CAMK2G: variants seen among roughly 807,000 people sequenced by gnomAD.
CAMK2G encodes the protein calcium/calmodulin dependent protein kinase II gamma, also known as calcium/calmodulin-dependent protein kinase type II subunit gamma.
CAMK2G carries 23 observed loss-of-function variants against 88.7 expected under a neutral mutation model. That is an observed-to-expected ratio of 0.26 (90% CI 0.19 to 0.37). The LOEUF is 0.37. Ranked by LOEUF, CAMK2G falls within the 10% of genes least tolerant of loss-of-function variation. The pLI is 1.00. For missense variants in CAMK2G, 476 were observed against 780.8 expected (o/e 0.61, Z 4.65); for synonymous variants, 263 against 294.8 (o/e 0.89, Z 1.11).
At chr10:73,821,119 G>A (rs2088519437) in intron 18 of CAMK2G, among the ~76,000 whole-genome samples, 1 of 151,718 alleles carries the variant, frequency 6.6e-6, no homozygotes, top group African/African-American at 2.4e-5. Context: ...CTATTTATTT[G>A]TTCCTAATTT....
chr10:73,814,999 G>C lies in CAMK2G; in HGVS notation c.*12+4C>G. 1 of 1,589,406 alleles carries C rather than the reference G, an allele frequency of 6.3e-7. No homozygotes were observed. Among genetic ancestry groups the C allele is most frequent in the Non-Finnish European group, 8.6e-7 (1 of 1,159,438 alleles). On this transcript the variant is annotated splice_donor_region_variant and intron_variant, in intron 22 of 22. Transcript: ENST00000423381. ...AGCCCCTCTCCCCCGTCAACCAGGT[G>C]CACCTGTGGCTGAGCTCACTGCAGC...
At chr10:73,873,390 C>A (rs1167227774) in intron 1 of CAMK2G, 1 of 1,259,676 alleles carries the variant, frequency 7.9e-7, no homozygotes. Context: ...AAACACACAC[C>A]TGCTGCATCT....
chr10:73,819,474 A>G (rs1277379950), intron 19 of CAMK2G, 58 bp downstream of exon 19: 2 of 1,244,784 alleles, frequency 1.6e-6, no homozygotes, highest in East Asian at 2.5e-5. Flanking sequence ...GGGGTCCCTG[A>G]GGGGCTTCAG....
intron 2 of CAMK2G, among the ~76,000 whole-genome samples, chr10:73,861,141 C>T (rs1227920365): frequency 3.3e-5 from 5 of 152,204 alleles, no homozygotes; most frequent in Admixed American, 3.3e-4. Context: ...ATCCTCCCAC[C>T]TCAGCCTCCT....
Position 73,819,628 on chromosome 10 carries a change from C to T in CAMK2G, c.1267G>A (p.Gly423Arg), listed in dbSNP as rs547253359. ...EDLKAAPLRT[G>R]NGSSVPEGRS... ...CCTTCAGGCACCGAGCTGCCATTCCCAGTGCGGAGCGGGGCAGCTAGCCAG... is the reference window on the plus strand; with the variant it reads ...CCTTCAGGCACCGAGCTGCCATTCCTAGTGCGGAGCGGGGCAGCTAGCCAG... The change falls in exon 19 of 23, where the codon GGG becomes AGG. Residue 423 changes from glycine (G) to arginine (R), a missense_variant. Gly to Arg is a moderately radical substitution (Grantham distance 125). Transcript: ENST00000423381. The T allele has an allele frequency of 5.8e-6, 9 of 1,543,544 alleles. No homozygotes were observed. Among genetic ancestry groups the T allele is most frequent in the South Asian group, 2.4e-5 (2 of 83,878 alleles).
intron 3 of CAMK2G, among the ~76,000 whole-genome samples, chr10:73,853,514 G>A (rs552353905): frequency 9.5e-4 from 145 of 152,356 alleles, no homozygotes; most frequent in African/African-American, 3.2e-3. Flanking sequence ...AGAAAAGCCG[G>A]AACCTTCCCA....
chr10:73,823,365 G>A (rs535755925), intron 17 of CAMK2G, among the ~76,000 whole-genome samples: 7 of 152,196 alleles, frequency 4.6e-5, no homozygotes, highest in South Asian at 4.2e-4. Flanking sequence ...ACAGGCACGC[G>A]CCACCACACC....
chr10:73,839,821 T>C lies in CAMK2G; in HGVS notation c.947-220A>G, dbSNP rs149193739. On this transcript the variant is annotated intron_variant, in intron 12 of 22. Transcript: ENST00000423381. The surrounding 1 kb of genome is among the most constrained non-coding windows in gnomAD (Gnocchi z 4.2). The stretch of plus-strand genomic sequence containing the variant: ...GGCTGGGCCAGGGCATAGGGAACAC[T>C]GCGTCCCCACCAGATGGAGAGGGCT... 2.2e-3 allele frequency among the ~76,000 whole-genome samples: 333 copies of C among 152,228 alleles called. No individual in the cohort carries two copies. The highest frequency in any genetic ancestry group is 7.9e-3 in the African/African-American group (327 of 41,530).
intron 5 of CAMK2G, 89 bp from the exon 6 acceptor site, chr10:73,849,422 G>A: frequency 4.7e-6 from 4 of 856,288 alleles, no homozygotes; most frequent in Admixed American, 4.1e-5. Context: ...TAAGGCATGT[G>A]ACAAGGGGCC....
At chr10:73,862,576 C>A (rs947218621) in intron 2 of CAMK2G, among the ~76,000 whole-genome samples, 1 of 152,144 alleles carries the variant, frequency 6.6e-6, no homozygotes, top group Non-Finnish European at 1.5e-5. Flanking sequence ...CTGATTAGCT[C>A]TATTATATTA....
At chr10:73,824,823 A>G (rs956507808) in intron 16 of CAMK2G, among the ~76,000 whole-genome samples, 2 of 152,198 alleles carry the variant, frequency 1.3e-5, no homozygotes, top group Admixed American at 1.3e-4. Context: ...AGCACCATCC[A>G]GAGGTGGGGA....
At chr10:73,853,973 G>A (rs931763320) in intron 3 of CAMK2G, among the ~76,000 whole-genome samples, 1 of 152,206 alleles carries the variant, frequency 6.6e-6, no homozygotes, top group Non-Finnish European at 1.5e-5. Flanking sequence ...CACCTGAGAT[G>A]AATGTTATTC....
At chr10:73,862,085 G>C (rs565711223) in intron 2 of CAMK2G, among the ~76,000 whole-genome samples, 1 of 152,266 alleles carries the variant, frequency 6.6e-6, no homozygotes, top group African/African-American at 2.4e-5. Flanking sequence ...CAAGTCCCCA[G>C]ATCCAAGTGA....
chr10:73,822,507 T>C (rs938121693), intron 17 of CAMK2G, among the ~76,000 whole-genome samples: 2 of 152,180 alleles, frequency 1.3e-5, no homozygotes, highest in African/African-American at 4.8e-5. Context: ...AGTGGTGTTT[T>C]AAAGTGTCAA....
At chr10:73,832,295 T>C (rs2092571470) in intron 14 of CAMK2G, among the ~76,000 whole-genome samples, 1 of 148,610 alleles carries the variant, frequency 6.7e-6, no homozygotes, top group African/African-American at 2.5e-5. Context: ...TTTAGAATGA[T>C]AGTGTATGTA....
chr10:73,851,145 T>C (rs545574721), intron 5 of CAMK2G, among the ~76,000 whole-genome samples: 21 of 152,296 alleles, frequency 1.4e-4, no homozygotes, highest in Admixed American at 3.9e-4. Context: ...TCAGCAAACA[T>C]TGGCCTCTCA....
chr10:73,822,941 A>G (rs1441400550), intron 17 of CAMK2G, among the ~76,000 whole-genome samples: 1 of 152,166 alleles, frequency 6.6e-6, no homozygotes, highest in African/African-American at 2.4e-5. Flanking sequence ...AGCTCACTGC[A>G]ACCTCCGCCT....
chr10:73,848,132 A>G lies in CAMK2G; in HGVS notation c.602-50T>C. ...TGGGGGTCAGTCGCCTACTTCCCTG[A>G]GGAACCAAGAAAAACCATGCAGGGC... On this transcript the variant is annotated intron_variant, in intron 8 of 22. Coordinates refer to ENST00000423381, the MANE Select transcript of CAMK2G (RefSeq NM_001367534.1). This position sits in a 1 kb window ranked among gnomAD's most constrained non-coding sequence, Gnocchi z 4.5. The G allele has an allele frequency of 8.6e-7, 1 of 1,156,880 alleles. No homozygotes were observed. Among genetic ancestry groups the G allele is most frequent in the Non-Finnish European group, 1.3e-6 (1 of 765,420 alleles). The allele number at this position is 1,156,880 out of a possible 1,614,324, so 71.7% of individuals were successfully genotyped here.
At position 73,842,624 on chromosome 10, in the gene CAMK2G, G is replaced by A; in HGVS notation, c.820-83C>T. The stretch of plus-strand genomic sequence containing the variant: ...GTCCTGGCACCGATACCATGCCCAG[G>A]ACAGGGTCATGCACTCAGCCACCCC... On this transcript the variant is annotated intron_variant, in intron 10 of 22. Transcript: ENST00000423381. The surrounding 1 kb of genome is among the most constrained non-coding windows in gnomAD (Gnocchi z 4.6). The A allele has an allele frequency of 2.0e-6, 2 of 1,006,062 alleles. No homozygotes were observed. The highest frequency in any genetic ancestry group is 3.1e-6 in the Non-Finnish European group (2 of 635,724). The allele number at this position is 1,006,062 out of a possible 1,614,324, so 62.3% of individuals were successfully genotyped here.
Sources: allele counts gnomAD v4.1 joint callset (sites outside exome capture counted in the v4.1 genomes callset), GRCh38; gene constraint gnomAD v4.1.1; non-coding constraint Gnocchi (gnomAD v3.1); transcripts MANE v1.5; gene names NCBI Gene and HGNC (gene_info 2026-07-23, HGNC 2026-07-21).